The following GFOD1 variants were observed in gnomAD, a reference collection of about 807,000 sequenced individuals.
GFOD1 encodes the protein glucose-fructose oxidoreductase domain-containing protein 1.
GFOD1 carries 9 observed loss-of-function variants against 25.4 expected under a neutral mutation model. The ratio of observed to expected loss-of-function variants is 0.35; its 90% confidence interval spans 0.21 to 0.62. GFOD1 has a LOEUF of 0.62. Among genes scored for constraint, GFOD1 ranks in the 20% least tolerant of loss-of-function variants. GFOD1 has a pLI of 0.72. For missense variants in GFOD1, 403 were observed against 556.9 expected, an observed-to-expected ratio of 0.72 and a Z score of 2.78; for synonymous variants, 253 against 245.6, an observed-to-expected ratio of 1.03 and a Z score of -0.28.
chr6:13,469,573 A>G lies in GFOD1; in HGVS notation c.253+17065T>C, dbSNP rs2127577057. The stretch of plus-strand genomic sequence containing the variant: ...ACACATAAGCTTTGGAGTCAAGCAA[A>G]CTTAAGTTGAATTCTGATTCCACTT... On this transcript the variant is annotated intron_variant, in intron 1 of 1. Transcript: ENST00000379287. 4.7e-6 allele frequency: 5 copies of G among 1,056,910 alleles called. No homozygotes were observed. The South Asian group carries it at 1.6e-4, about 34-fold the overall frequency. 65.5% of individuals were successfully genotyped at this position (1,056,910 alleles called of 1,614,324 possible).
At chr6:13,374,367 A>C (rs1320421870) in intron 1 of GFOD1, among the ~76,000 whole-genome samples, 8 of 150,122 alleles carry the variant, frequency 5.3e-5, no homozygotes, top group Non-Finnish European at 1.0e-4. Flanking sequence ...GCAGTGGTAC[A>C]ATCTCAACTC....
intron 1 of GFOD1, among the ~76,000 whole-genome samples, chr6:13,389,308 G>A (rs1215719916): frequency 2.6e-5 from 4 of 152,140 alleles, no homozygotes; most frequent in Non-Finnish European, 1.5e-5. Context: ...AAAGACACAT[G>A]CACACATATG....
intron 1 of GFOD1, among the ~76,000 whole-genome samples, chr6:13,405,086 C>A (rs1785921052): frequency 6.6e-6 from 1 of 152,202 alleles, no homozygotes; most frequent in African/African-American, 2.4e-5. Context: ...GCTAGGAAAT[C>A]TCTTTGTTGG....
intron 1 of GFOD1, among the ~76,000 whole-genome samples, chr6:13,415,398 C>T (rs1293269413): frequency 4.6e-5 from 7 of 152,272 alleles, no homozygotes; most frequent in South Asian, 4.1e-4. Flanking sequence ...ATTATGGGAG[C>T]GAAGAAGGGG....
chr6:13,443,721 AAGG>A (rs1432338875), intron 1 of GFOD1, among the ~76,000 whole-genome samples: 1 of 151,628 alleles, frequency 6.6e-6, no homozygotes, highest in South Asian at 2.1e-4. Context: ...GAGGCTGAAG[AAGG>A]AGAATTGCTT....
rs755343384 is a variant in GFOD1 at position 13,486,903 on chromosome 6, C to A, written c.-13G>T. 7 of 1,604,918 alleles carry A rather than the reference C, an allele frequency of 4.4e-6. No individual in the cohort carries two copies. The Admixed American group carries it at 6.7e-5, about 15-fold the overall frequency. On this transcript the variant is annotated 5_prime_UTR_variant, in exon 1 of 2. Coordinates refer to ENST00000379287, the MANE Select transcript of GFOD1 (RefSeq NM_018988.4). ...CCCCGGGAAGCATGGCTGCTCAGAG[C>A]CGCCTGGTTCTGCTTCTGCTCGGAT...
chr6:13,469,870 C>T (rs143076881), intron 1 of GFOD1: 786 of 1,215,142 alleles, frequency 6.5e-4, no homozygotes, highest in Non-Finnish European at 8.2e-4. Context: ...AACACTCGTA[C>T]TATGTCTCAC....
At chr6:13,383,942 T>C (rs1005263191) in intron 1 of GFOD1, among the ~76,000 whole-genome samples, 6 of 152,180 alleles carry the variant, frequency 3.9e-5, no homozygotes, top group Non-Finnish European at 5.9e-5. Flanking sequence ...AATAAACATA[T>C]TGGTACTGCG....
chr6:13,438,257 C>G (rs75880095), intron 1 of GFOD1, among the ~76,000 whole-genome samples: 3,789 of 152,242 alleles, frequency 0.025, 161 homozygotes, highest in African/African-American at 0.084. Flanking sequence ...TCTGTTAAAA[C>G]TTAGAATACA....
intron 1 of GFOD1, among the ~76,000 whole-genome samples, chr6:13,479,715 C>T (rs1349120375): frequency 6.6e-6 from 1 of 152,234 alleles, no homozygotes; most frequent in Non-Finnish European, 1.5e-5. Flanking sequence ...ACAAAATAAT[C>T]GTTCAACTGC....
chr6:13,411,359 C>G (rs1417260727), intron 1 of GFOD1, among the ~76,000 whole-genome samples: 2 of 152,088 alleles, frequency 1.3e-5, no homozygotes, highest in Non-Finnish European at 2.9e-5. Context: ...TGGCGCGATA[C>G]CGGCTCACAG....
At chr6:13,416,159 TGAA>T (rs1413473771) in intron 1 of GFOD1, among the ~76,000 whole-genome samples, 1 of 152,230 alleles carries the variant, frequency 6.6e-6, no homozygotes, top group African/African-American at 2.4e-5. Flanking sequence ...TGCCGCCTTG[TGAA>T]GAAGGTCCTT....
At position 13,368,500 on chromosome 6, in the gene GFOD1, C is replaced by G. The variant is rs938739114; in HGVS notation, c.254-2838G>C. Among the ~76,000 whole-genome samples the G allele has an allele frequency of 9.2e-5, 14 of 152,182 alleles. No individual in the cohort carries two copies. In the East Asian group the frequency reaches 2.5e-3, roughly 27 times the overall value. The stretch of plus-strand genomic sequence containing the variant: ...TAACACCAGCTCATGCTACCAGGAA[C>G]AGATTTATATGTAAATGCAGCGGTA... On this transcript the variant is annotated intron_variant, in intron 1 of 1. Coordinates refer to ENST00000379287, the MANE Select transcript of GFOD1 (RefSeq NM_018988.4).
At chr6:13,410,003 T>C (rs1340210796) in intron 1 of GFOD1, among the ~76,000 whole-genome samples, 3 of 112,014 alleles carry the variant, frequency 2.7e-5, no homozygotes, top group Non-Finnish European at 5.7e-5. Context: ...TACGGATTTT[T>C]AGTTTTTTTT....
chr6:13,418,158 T>C (rs918328450), intron 1 of GFOD1, among the ~76,000 whole-genome samples: 1 of 152,190 alleles, frequency 6.6e-6, no homozygotes, highest in Non-Finnish European at 1.5e-5. Context: ...AAGGTTGTCA[T>C]TTTTGGAAGC....
At chr6:13,466,896 G>A (rs987637318) in intron 1 of GFOD1, among the ~76,000 whole-genome samples, 4 of 151,984 alleles carry the variant, frequency 2.6e-5, no homozygotes, top group Non-Finnish European at 5.9e-5. Context: ...ATGACACATT[G>A]GGCAGATGTG....
At chr6:13,402,940 A>G (rs1753242419) in intron 1 of GFOD1, among the ~76,000 whole-genome samples, 1 of 152,242 alleles carries the variant, frequency 6.6e-6, no homozygotes. Context: ...ATGTCCATCA[A>G]CCGATGAATG....
At chr6:13,423,480 A>G (rs1355221587) in intron 1 of GFOD1, among the ~76,000 whole-genome samples, 1 of 152,162 alleles carries the variant, frequency 6.6e-6, no homozygotes, top group Non-Finnish European at 1.5e-5. Context: ...CATGACACAC[A>G]CACAGACACG....
chr6:13,421,215 T>C (rs1404407545), intron 1 of GFOD1, among the ~76,000 whole-genome samples: 1 of 152,202 alleles, frequency 6.6e-6, no homozygotes, highest in African/African-American at 2.4e-5. Flanking sequence ...TGGCCAGGCA[T>C]GTTCGCTCAT....
Sources: allele counts gnomAD v4.1 joint callset (sites outside exome capture counted in the v4.1 genomes callset), GRCh38; gene constraint gnomAD v4.1.1; transcripts MANE v1.5; gene names NCBI Gene and HGNC (gene_info 2026-07-23, HGNC 2026-07-21).